SEMA3E: variants seen among roughly 807,000 people sequenced by gnomAD.
SEMA3E encodes semaphorin 3E, also known as semaphorin-3E.
A neutral mutation model predicts 93.6 loss-of-function variants in SEMA3E; 49 were observed. The ratio of observed to expected loss-of-function variants is 0.52; its 90% CI spans 0.42 to 0.66. SEMA3E has a LOEUF of 0.66. SEMA3E is among the 30% of genes least tolerant of loss of function. The probability of loss-of-function intolerance (pLI) is 0.00; values close to 1 mark genes in which losing one functional copy is unlikely to be tolerated. For synonymous variants in SEMA3E, 363 were observed against 330.7 expected (o/e 1.10, Z -1.06); for missense variants, 906 against 964.8 (o/e 0.94, Z 0.81).
chr7:83,615,636 C>T (rs1793349230), intron 1 of SEMA3E, among the ~76,000 whole-genome samples: 1 of 151,974 alleles, frequency 6.6e-6, no homozygotes. Flanking sequence ...TTTATACACG[C>T]CCCATCATTT....
At chr7:83,389,654 T>C (rs1787953481) in intron 14 of SEMA3E, among the ~76,000 whole-genome samples, 1 of 151,210 alleles carries the variant, frequency 6.6e-6, no homozygotes, top group South Asian at 2.1e-4. Context: ...ATATATTACA[T>C]GTATACATAC....
At chr7:83,472,952 C>T (rs1207178751) in intron 2 of SEMA3E, among the ~76,000 whole-genome samples, 1 of 152,120 alleles carries the variant, frequency 6.6e-6, no homozygotes, top group African/African-American at 2.4e-5. Flanking sequence ...GCTTTGTTTC[C>T]CCTTCAGCTT....
intron 1 of SEMA3E, among the ~76,000 whole-genome samples, chr7:83,647,777 A>C (rs559471584): frequency 3.9e-5 from 6 of 152,344 alleles, no homozygotes; most frequent in African/African-American, 1.4e-4. Flanking sequence ...ACTTTAATCC[A>C]TATTAGCCAT....
intron 1 of SEMA3E, among the ~76,000 whole-genome samples, chr7:83,583,227 G>C (rs1562842695): frequency 1.3e-5 from 2 of 152,074 alleles, no homozygotes; most frequent in African/African-American, 4.8e-5. Context: ...TATTTTTTAA[G>C]TTGATACATA....
chr7:83,570,934 A>G lies in SEMA3E; in HGVS notation c.115+77494T>C, dbSNP rs199606900. Reference sequence around the variant, plus strand: ...ATTATAAATACCTCTATGCACACAAATTAGAAAATCTAGAGGAAATGAATA... The same window carrying G: ...ATTATAAATACCTCTATGCACACAAGTTAGAAAATCTAGAGGAAATGAATA... On this transcript the variant is annotated intron_variant, in intron 1 of 16. Coordinates refer to ENST00000643230, the MANE Select transcript of SEMA3E (RefSeq NM_012431.3). Among the ~76,000 whole-genome samples the G allele has an allele frequency of 5.9e-5, 9 of 151,928 alleles. No individual in the cohort carries two copies. The East Asian group carries it at 1.7e-3, about 29-fold the overall frequency.
At chr7:83,619,869 GAGAT>G (rs372911111) in intron 1 of SEMA3E, among the ~76,000 whole-genome samples, 15 of 149,454 alleles carry the variant, frequency 1.0e-4, no homozygotes, top group East Asian at 5.9e-4. Flanking sequence ...CCTGTGGACA[GAGAT>G]AGATAGATAG....
chr7:83,537,821 A>G (rs1791436765), intron 1 of SEMA3E, among the ~76,000 whole-genome samples: 6 of 152,144 alleles, frequency 3.9e-5, no homozygotes. Context: ...AAAAGAAATC[A>G]TGTATTCTTT....
At position 83,469,121 on chromosome 7, in the gene SEMA3E, TCATGAAC is replaced by T; in HGVS notation, c.336+115_336+121del. On this transcript the variant is annotated intron_variant, in intron 3 of 16. Coordinates refer to ENST00000643230, the MANE Select transcript of SEMA3E (RefSeq NM_012431.3). ...TTTTATATGCCTATATATTTTTTCT[TCATGAAC>T]CAAATTGCATACATACTTTTATAAG... 1.2e-5 allele frequency: 9 copies of T among 759,270 alleles called. No homozygotes were observed. The Admixed American group carries it at 1.6e-4, about 13-fold the overall frequency. 47.0% of individuals were successfully genotyped at this position (759,270 alleles called of 1,614,324 possible).
chr7:83,466,341 A>C, intron 4 of SEMA3E, 141 bp downstream of exon 4: 1 of 995,072 alleles, frequency 1.0e-6, no homozygotes, highest in Non-Finnish European at 1.5e-6. Context: ...CCAGAAAGAT[A>C]ATTTCTCTGT....
intron 1 of SEMA3E, among the ~76,000 whole-genome samples, chr7:83,605,642 C>G (rs1793100152): frequency 6.6e-6 from 1 of 152,066 alleles, no homozygotes; most frequent in African/African-American, 2.4e-5. Context: ...GTTGGTTAGG[C>G]TGGTCTCGAA....
intron 14 of SEMA3E, among the ~76,000 whole-genome samples, chr7:83,391,971 A>G (rs1358423189): frequency 2.0e-5 from 3 of 152,138 alleles, no homozygotes; most frequent in African/African-American, 7.2e-5. Flanking sequence ...GCTTGAGTGA[A>G]GAGATATCCT....
Position 83,554,707 on chromosome 7 carries a change from T to C in SEMA3E, c.116-64433A>G, listed in dbSNP as rs535949238. ...GACATGTGCTTCTCTCTGGGTGCGG[T>C]GGCTCACTACTGTAATCCCAGCACT... On this transcript the variant is annotated intron_variant, in intron 1 of 16. Transcript: ENST00000643230. Among the ~76,000 whole-genome samples, 11 of 152,330 alleles carry C rather than the reference T, an allele frequency of 7.2e-5. No individual in the cohort carries two copies. In the East Asian group the frequency reaches 2.1e-3, roughly 29 times the overall value.
intron 1 of SEMA3E, among the ~76,000 whole-genome samples, chr7:83,600,935 G>C (rs1017363783): frequency 2.0e-5 from 3 of 152,150 alleles, no homozygotes; most frequent in African/African-American, 7.2e-5. Flanking sequence ...TGGCAAAAGA[G>C]ACCTTAAAGA....
chr7:83,474,312 C>T (rs1789965670), intron 2 of SEMA3E, among the ~76,000 whole-genome samples: 1 of 151,762 alleles, frequency 6.6e-6, no homozygotes, highest in Non-Finnish European at 1.5e-5. Context: ...GTGATAAATG[C>T]TATCTGATTT....
At chr7:83,478,535 A>G (rs960519790) in intron 2 of SEMA3E, among the ~76,000 whole-genome samples, 24 of 152,212 alleles carry the variant, frequency 1.6e-4, no homozygotes, top group African/African-American at 5.5e-4. Context: ...GGCTATTCAT[A>G]CAGAACATAG....
chr7:83,526,216 G>A (rs932997817), intron 1 of SEMA3E, among the ~76,000 whole-genome samples: 2 of 151,990 alleles, frequency 1.3e-5, no homozygotes, highest in Non-Finnish European at 1.5e-5. Context: ...CACCATGGAG[G>A]TCGGAAAATC....
rs997804628 is a variant in SEMA3E, at chr7:83,648,692, G to T, written c.-150C>A. 4 of 709,570 alleles carry T rather than the reference G, an allele frequency of 5.6e-6. No individual in the cohort carries two copies. Among genetic ancestry groups the T allele is most frequent in the Non-Finnish European group, 1.0e-5 (4 of 385,444 alleles). 44.0% of individuals were successfully genotyped at this position (709,570 alleles called of 1,614,324 possible). A position where few individuals can be genotyped will look rare whatever the true frequency, so the allele number is the denominator to read the frequency against. On this transcript the variant is annotated 5_prime_UTR_variant, in exon 1 of 17. Transcript: ENST00000643230. ...AAAGCACAGTTCCGAAGTGCCATTT[G>T]TCAGGCTGTATTTGGCTATGTAAAA...
At chr7:83,625,924 G>T (rs1293276974) in intron 1 of SEMA3E, among the ~76,000 whole-genome samples, 2 of 152,144 alleles carry the variant, frequency 1.3e-5, no homozygotes, top group East Asian at 3.9e-4. Context: ...AAGGGGTGTT[G>T]AATTTTATCA....
chr7:83,526,571 T>C (rs1350841735), intron 1 of SEMA3E, among the ~76,000 whole-genome samples: 1 of 152,088 alleles, frequency 6.6e-6, no homozygotes, highest in East Asian at 1.9e-4. Flanking sequence ...TGGAGGAGAT[T>C]CCATGGAACA....
Sources: allele counts gnomAD v4.1 joint callset (sites outside exome capture counted in the v4.1 genomes callset), GRCh38; gene constraint gnomAD v4.1.1; transcripts MANE v1.5; gene names NCBI Gene and HGNC (gene_info 2026-07-23, HGNC 2026-07-21).